MOB1B: variants seen among roughly 807,000 people sequenced by gnomAD.
MOB1B encodes MOB1 Mps One Binder homolog B.
In MOB1B, 19 loss-of-function variants were observed where a neutral mutation model predicts 24.4. The observed-to-expected ratio is 0.78, with a 90% confidence interval of 0.54 to 1.14. MOB1B has a LOEUF of 1.14. Ranked by LOEUF, MOB1B falls within the 50% of genes most tolerant of loss-of-function variation. The pLI is 0.00. For synonymous variants in MOB1B, 76 were observed against 82.1 expected, an observed-to-expected ratio of 0.93 and a Z score of 0.40; for missense variants, 243 against 259.6, an observed-to-expected ratio of 0.94 and a Z score of 0.44.
At chr4:70,968,232 T>C (rs1738615197) in intron 2 of MOB1B, among the ~76,000 whole-genome samples, 1 of 152,242 alleles carries the variant, frequency 6.6e-6, no homozygotes, top group Admixed American at 6.5e-5. Context: ...TGTCTTGCCT[T>C]TCACATTTAG....
intron 2 of MOB1B, 88 bp from the exon 3 acceptor site, chr4:70,969,843 C>T (rs1738684058): frequency 1.5e-6 from 1 of 661,036 alleles, no homozygotes; most frequent in Admixed American, 2.7e-5. Context: ...GAACGAACGC[C>T]AATAAGCCTA....
intron 2 of MOB1B, among the ~76,000 whole-genome samples, chr4:70,965,186 G>T (rs1403746194): frequency 1.3e-5 from 2 of 149,744 alleles, no homozygotes; most frequent in African/African-American, 4.9e-5. Context: ...AATCCTACCT[G>T]CTTGGGAGGC....
At chr4:70,905,247 T>G (rs1262540306) in intron 1 of MOB1B, among the ~76,000 whole-genome samples, 1 of 152,118 alleles carries the variant, frequency 6.6e-6, no homozygotes, top group Non-Finnish European at 1.5e-5. Flanking sequence ...TGTTTCTTTT[T>G]TTTTTTTTGG....
At chr4:70,955,212 G>A (rs1038616646) in intron 1 of MOB1B, among the ~76,000 whole-genome samples, 4 of 152,132 alleles carry the variant, frequency 2.6e-5, no homozygotes, top group African/African-American at 7.2e-5. Flanking sequence ...GGTGAGGCTC[G>A]GACTTACCTG....
intron 4 of MOB1B, among the ~76,000 whole-genome samples, chr4:70,977,642 C>G (rs1739057788): frequency 1.3e-5 from 2 of 152,058 alleles, no homozygotes; most frequent in Admixed American, 1.3e-4. Context: ...GTGGTAAGAG[C>G]AGCTGTAATC....
chr4:70,932,350 A>AT (rs1321503759), intron 1 of MOB1B, among the ~76,000 whole-genome samples: 1 of 152,236 alleles, frequency 6.6e-6, no homozygotes, highest in Non-Finnish European at 1.5e-5. Context: ...ACAGATCAGC[A>AT]TTTCCAGTCT....
At chr4:70,973,390 C>A (rs150415563) in intron 3 of MOB1B, among the ~76,000 whole-genome samples, 1 of 149,022 alleles carries the variant, frequency 6.7e-6, no homozygotes, top group African/African-American at 2.5e-5. Context: ...GGATTGCTTG[C>A]GCCCAGGAGT....
chr4:70,948,846 G>A (rs1737686457), intron 1 of MOB1B, among the ~76,000 whole-genome samples: 6 of 152,136 alleles, frequency 3.9e-5, no homozygotes, highest in African/African-American at 1.4e-4. Context: ...TGACTGCCAA[G>A]TTCCCCTGCC....
intron 1 of MOB1B, among the ~76,000 whole-genome samples, chr4:70,944,315 G>A (rs558187244): frequency 1.1e-4 from 16 of 152,316 alleles, no homozygotes; most frequent in East Asian, 3.9e-4. Context: ...GTTTATAGGC[G>A]TGAGCCGCTG....
In MOB1B at chr4:70,982,024, A is replaced by G. The variant is rs553172790; in HGVS notation, c.618A>G (p.Glu206=). 1.2e-6 allele frequency: 2 copies of G among 1,612,806 alleles called. No individual in the cohort carries two copies. Among genetic ancestry groups the G allele is most frequent in the Non-Finnish European group, 1.7e-6 (2 of 1,179,106 alleles). ...IDRRELAPLQ[E]LIEKLTSKDR is the part of the protein sequence containing the mutation. ...GAAGAGAACTTGCACCACTCCAAGA[A>G]CTGATTGAAAAACTCACCTCAAAAG... The change falls in exon 6 of 6, where the codon GAA becomes GAG. Residue 206 remains glutamate (E), a synonymous_variant. Coordinates refer to ENST00000309395, the MANE Select transcript of MOB1B (RefSeq NM_173468.4).
chr4:70,942,898 A>T lies in MOB1B; in HGVS notation c.15-15976A>T, dbSNP rs1411080402. 8.0e-6 allele frequency: 6 copies of T among 751,066 alleles called. No homozygotes were observed. The Admixed American group carries it at 3.1e-4, about 39-fold the overall frequency. 46.5% of individuals were successfully genotyped at this position (751,066 alleles called of 1,614,324 possible). A position where few individuals can be genotyped will look rare whatever the true frequency, so the allele number is the denominator to read the frequency against. Reference sequence around the variant, plus strand: ...AGGCAAAGAAGTAAGCAAAGAAAAAATTATTATATGAATGTTTAAGAGCAT... The same window carrying T: ...AGGCAAAGAAGTAAGCAAAGAAAAATTTATTATATGAATGTTTAAGAGCAT... On this transcript the variant is annotated intron_variant, in intron 1 of 5. Transcript: ENST00000309395.
chr4:70,941,627 T>C (rs11733091), intron 1 of MOB1B, among the ~76,000 whole-genome samples: 144,071 of 152,254 alleles, frequency 0.95, 68,491 homozygotes, highest in Non-Finnish European at 0.99. Flanking sequence ...AGGTGTGAGC[T>C]ACCGTGCCCA....
rs560591906 is a variant in MOB1B at position 70,986,388 on chromosome 4, A to G, written c.*4331A>G. ...TAATTATGCTGAGTTTTAAGCCTAC[A>G]TATCACAAAATATTTAGAATTGTAT... On this transcript the variant is annotated 3_prime_UTR_variant, in exon 6 of 6. Coordinates refer to ENST00000309395, the MANE Select transcript of MOB1B (RefSeq NM_173468.4). 4.6e-5 allele frequency: 7 copies of G among 152,260 alleles called. No homozygotes were observed. In the South Asian group the frequency reaches 1.5e-3, roughly 32 times the overall value. The allele number at this position is 152,260 out of a possible 1,614,324, so 9.4% of individuals were successfully genotyped here.
At chr4:70,972,263 GAGTGC>G (rs1738787655) in intron 3 of MOB1B, among the ~76,000 whole-genome samples, 1 of 152,006 alleles carries the variant, frequency 6.6e-6, no homozygotes, top group Non-Finnish European at 1.5e-5. Context: ...GCCCAGGCTA[GAGTGC>G]AGTGGTGCGA....
intron 1 of MOB1B, among the ~76,000 whole-genome samples, chr4:70,914,253 T>C (rs1736110444): frequency 6.6e-6 from 1 of 152,232 alleles, no homozygotes; most frequent in Non-Finnish European, 1.5e-5. Context: ...TTATAAATTA[T>C]GCAGTCTGAG....
At chr4:70,901,923 C>T (rs1383040958), upstream of MOB1B, among the ~76,000 whole-genome samples, 1 of 152,080 alleles carries the variant, frequency 6.6e-6, no homozygotes, top group African/African-American at 2.4e-5. Flanking sequence ...TGCTGGGTTC[C>T]GTGGTGAACT....
At chr4:70,941,622 T>C (rs1308665440) in intron 1 of MOB1B, among the ~76,000 whole-genome samples, 1 of 152,202 alleles carries the variant, frequency 6.6e-6, no homozygotes, top group Non-Finnish European at 1.5e-5. Flanking sequence ...ATTACAGGTG[T>C]GAGCTACCGT....
intron 1 of MOB1B, among the ~76,000 whole-genome samples, chr4:70,948,244 A>G (rs1014515852): frequency 6.6e-6 from 1 of 152,132 alleles, no homozygotes; most frequent in Non-Finnish European, 1.5e-5. Context: ...AGTTGACTCT[A>G]TTTGTATGGT....
intron 1 of MOB1B, among the ~76,000 whole-genome samples, chr4:70,940,228 T>G (rs1197472100): frequency 6.6e-6 from 1 of 152,076 alleles, no homozygotes; most frequent in East Asian, 1.9e-4. Flanking sequence ...AATGCAGCAT[T>G]TGGGCATAAA....
Sources: gnomAD v4.1 joint callset for allele counts (sites outside exome capture counted in the v4.1 genomes callset) on GRCh38, gnomAD v4.1.1 for gene constraint, MANE v1.5 for transcripts, NCBI Gene and HGNC (gene_info 2026-07-23, HGNC 2026-07-21) for gene names.